Variants in WDPCP observed in about 807,000 individuals in gnomAD.
The protein encoded by WDPCP is WD repeat-containing and planar cell polarity effector protein fritz homolog.
A neutral mutation model predicts 93.1 loss-of-function variants in WDPCP; 71 were observed. That is an observed-to-expected ratio of 0.76 (90% confidence interval 0.63 to 0.93). The LOEUF is 0.93. WDPCP is among the 40% of genes least tolerant of loss of function. The pLI is 0.00. For synonymous variants in WDPCP, 315 were observed against 315.0 expected (o/e 1.00, Z 0.00); for missense variants, 844 against 887.4 (o/e 0.95, Z 0.62).
At chr2:63,768,698 T>C (rs919424836) in intron 2 of WDPCP, among the ~76,000 whole-genome samples, 3 of 152,140 alleles carry the variant, frequency 2.0e-5, no homozygotes, top group Middle Eastern at 6.8e-3. Flanking sequence ...ATGAACTATA[T>C]TGAATAACAC....
chr2:63,710,511 CAT>C (rs1669246295), intron 2 of WDPCP, among the ~76,000 whole-genome samples: 1 of 152,218 alleles, frequency 6.6e-6, no homozygotes, highest in Non-Finnish European at 1.5e-5. Flanking sequence ...CAATTGCACA[CAT>C]AGAGTATGCC....
At chr2:63,788,939 T>C (rs1202062474) in intron 2 of WDPCP, among the ~76,000 whole-genome samples, 1 of 152,242 alleles carries the variant, frequency 6.6e-6, no homozygotes, top group Non-Finnish European at 1.5e-5. Context: ...TAAACATAGA[T>C]CCTCACTATG....
intron 2 of WDPCP, among the ~76,000 whole-genome samples, chr2:63,783,176 G>T (rs1390069167): frequency 4.6e-5 from 7 of 151,980 alleles, no homozygotes; most frequent in African/African-American, 1.7e-4. Context: ...GCTTTGGGAG[G>T]CTAGGCAGGA....
chr2:63,779,656 A>T (rs919812180), intron 2 of WDPCP, among the ~76,000 whole-genome samples: 1 of 152,144 alleles, frequency 6.6e-6, no homozygotes, highest in Admixed American at 6.6e-5. Flanking sequence ...CTTGGGGCAG[A>T]GAAGAGGGCT....
At chr2:63,394,879 C>T (rs1693585073) in intron 10 of WDPCP, among the ~76,000 whole-genome samples, 1 of 151,848 alleles carries the variant, frequency 6.6e-6, no homozygotes, top group Admixed American at 6.6e-5. Context: ...GACAACAGGG[C>T]CTAGTTGAGG....
intron 6 of WDPCP, among the ~76,000 whole-genome samples, chr2:63,447,304 C>T (rs544202258): frequency 2.6e-5 from 4 of 152,020 alleles, no homozygotes; most frequent in Non-Finnish European, 5.9e-5. Flanking sequence ...CCAGAGAGCA[C>T]AAACTTCAAC....
chr2:63,611,085 A>G (rs1709608465), intron 3 of WDPCP, among the ~76,000 whole-genome samples: 1 of 152,140 alleles, frequency 6.6e-6, no homozygotes, highest in Admixed American at 6.5e-5. Context: ...GTGACAGTGC[A>G]AGACCCTGTC....
chr2:63,781,102 A>C, intron 2 of WDPCP, among the ~76,000 whole-genome samples: 1 of 152,206 alleles, frequency 6.6e-6, no homozygotes, highest in East Asian at 1.9e-4. Context: ...ATTCAGCTTA[A>C]TTAGTGCTAT....
intron 1 of WDPCP, among the ~76,000 whole-genome samples, chr2:63,496,209 A>G (rs1024797289): frequency 6.6e-6 from 1 of 152,224 alleles, no homozygotes; most frequent in African/African-American, 2.4e-5. Flanking sequence ...AATTTTATAG[A>G]TGAAACCAAA....
intron 2 of WDPCP, among the ~76,000 whole-genome samples, chr2:63,652,099 T>A (rs1232876343): frequency 1.3e-5 from 2 of 152,224 alleles, no homozygotes; most frequent in Non-Finnish European, 2.9e-5. Context: ...AATGCAATAT[T>A]GAAAGATGCA....
chr2:63,433,991 C>T, intron 8 of WDPCP, 55 bp from the exon 9 acceptor site: 2 of 1,550,632 alleles, frequency 1.3e-6, no homozygotes, highest in Non-Finnish European at 1.8e-6. Flanking sequence ...ATGCAAAATC[C>T]TCAAGTATTA....
At chr2:63,756,246 G>T (rs1157279600) in intron 2 of WDPCP, among the ~76,000 whole-genome samples, 1 of 152,148 alleles carries the variant, frequency 6.6e-6, no homozygotes, top group Non-Finnish European at 1.5e-5. Context: ...TCTTTTTAAA[G>T]TAAGTTTGCT....
intron 10 of WDPCP, among the ~76,000 whole-genome samples, chr2:63,397,866 G>A (rs780717741): frequency 1.3e-4 from 20 of 152,184 alleles, no homozygotes; most frequent in Non-Finnish European, 2.6e-4. Context: ...GTTTGGCTAT[G>A]AAAGGAAGGT....
intron 2 of WDPCP, among the ~76,000 whole-genome samples, chr2:63,750,581 T>C (rs1300620598): frequency 6.6e-6 from 1 of 152,150 alleles, no homozygotes; most frequent in Non-Finnish European, 1.5e-5. Context: ...TCTTGGTTAC[T>C]GATCTGAGGG....
rs558995474 is a variant in WDPCP at position 63,226,262 on chromosome 2, G to C, written c.1915+33045C>G. Among the ~76,000 whole-genome samples the C allele has an allele frequency of 1.9e-4, 29 of 151,906 alleles. 1 individual carries two copies. Among genetic ancestry groups the C allele is most frequent in the Admixed American group, 1.6e-3 (24 of 15,214 alleles). ...AACTAAATAGCTGTGTCTGCTGGAA[G>C]GGACTCTAACCCAGAGAAACCTAGG... is the stretch of plus-strand genomic sequence containing the variant. On this transcript the variant is annotated intron_variant, in intron 14 of 17. Transcript: ENST00000272321.
At chr2:63,447,635 C>T (rs944385954) in intron 6 of WDPCP, among the ~76,000 whole-genome samples, 3 of 152,020 alleles carry the variant, frequency 2.0e-5, no homozygotes, top group Non-Finnish European at 4.4e-5. Flanking sequence ...CTTGATTACT[C>T]ATCTATGTCC....
In WDPCP at chr2:63,479,796, T is replaced by C. The variant is rs563553084; in HGVS notation, c.384+4808A>G. Reference sequence around the variant, plus strand: ...TCAACACTTCTATTCAACATAGTACTGGAAGTCCCAGCCAGAGCTGGAACA... The same window carrying C: ...TCAACACTTCTATTCAACATAGTACCGGAAGTCCCAGCCAGAGCTGGAACA... On this transcript the variant is annotated intron_variant, in intron 6 of 17. Coordinates refer to ENST00000272321, the MANE Select transcript of WDPCP (RefSeq NM_015910.7). Among the ~76,000 whole-genome samples, 3 of 152,156 alleles carry C rather than the reference T, an allele frequency of 2.0e-5. No individual in the cohort carries two copies. The South Asian group carries it at 6.2e-4, about 32-fold the overall frequency.
intron 2 of WDPCP, chr2:63,717,808 T>C: frequency 3.7e-6 from 1 of 269,984 alleles, no homozygotes; most frequent in Non-Finnish European, 7.2e-6. Context: ...GTGGGTATAC[T>C]GGCACAGCAC....
chr2:63,796,755 G>T (rs903763543), intron 2 of WDPCP, among the ~76,000 whole-genome samples: 1 of 152,194 alleles, frequency 6.6e-6, no homozygotes, highest in African/African-American at 2.4e-5. Flanking sequence ...AAATAAACTT[G>T]AAGGCAGTCT....
Sources: allele counts gnomAD v4.1 joint callset (sites outside exome capture counted in the v4.1 genomes callset), GRCh38; gene constraint gnomAD v4.1.1; transcripts MANE v1.5; gene names NCBI Gene and HGNC (gene_info 2026-07-23, HGNC 2026-07-21).